WDR70: variants seen among roughly 807,000 people sequenced by gnomAD.
WDR70 encodes WD repeat domain 70.
In WDR70, 53 loss-of-function variants were observed where a neutral mutation model predicts 88.6. That is an observed-to-expected ratio of 0.60 (90% confidence interval 0.48 to 0.75). The LOEUF (loss-of-function observed/expected upper bound fraction) is 0.75, where lower values mean the gene tolerates loss of function less well. Ranked by LOEUF, WDR70 falls within the 30% of genes least tolerant of loss-of-function variation. The pLI, the probability that WDR70 is intolerant of heterozygous loss-of-function variation, is 0.00. For missense variants in WDR70, 610 were observed against 823.2 expected (o/e 0.74, Z 3.17); for synonymous variants, 280 against 270.0 (o/e 1.04, Z -0.36).
At chr5:37,539,867 AT>A (rs1013635656) in intron 9 of WDR70, among the ~76,000 whole-genome samples, 24 of 152,292 alleles carry the variant, frequency 1.6e-4, no homozygotes, top group African/African-American at 5.8e-4. Flanking sequence ...CCTTCACCAG[AT>A]TATGTTTGTC....
intron 12 of WDR70, among the ~76,000 whole-genome samples, chr5:37,701,898 A>T (rs1392819224): frequency 6.6e-6 from 1 of 152,132 alleles, no homozygotes; most frequent in African/African-American, 2.4e-5. Flanking sequence ...TCAAATCAAT[A>T]ATTCAGCATC....
chr5:37,479,748 A>T (rs1009965952), intron 7 of WDR70, 86 bp from the exon 8 acceptor site: 2 of 1,380,564 alleles, frequency 1.4e-6, no homozygotes. Flanking sequence ...TTTGTGTAAC[A>T]TTTTTTTTTC....
At chr5:37,535,824 A>G (rs967733150) in intron 9 of WDR70, among the ~76,000 whole-genome samples, 11 of 152,214 alleles carry the variant, frequency 7.2e-5, no homozygotes, top group African/African-American at 2.4e-4. Flanking sequence ...GAAACTGATT[A>G]TATTTTTCCC....
At chr5:37,630,513 A>T (rs1163079905) in intron 10 of WDR70, among the ~76,000 whole-genome samples, 1 of 152,102 alleles carries the variant, frequency 6.6e-6, no homozygotes, top group Non-Finnish European at 1.5e-5. Flanking sequence ...AGCTGCTTGC[A>T]GACTTGTAGG....
intron 9 of WDR70, among the ~76,000 whole-genome samples, chr5:37,560,058 A>G (rs1228113505): frequency 1.3e-5 from 2 of 152,138 alleles, no homozygotes; most frequent in African/African-American, 2.4e-5. Context: ...TCTTTTTGAT[A>G]GCAGAATAAA....
intron 10 of WDR70, among the ~76,000 whole-genome samples, chr5:37,630,217 G>A (rs572149622): frequency 6.6e-6 from 1 of 152,284 alleles, no homozygotes; most frequent in Admixed American, 6.5e-5. Flanking sequence ...CCACAGGGAT[G>A]TTACTCTAGC....
intron 9 of WDR70, among the ~76,000 whole-genome samples, chr5:37,522,042 G>T (rs769708251): frequency 4.7e-4 from 71 of 151,916 alleles, no homozygotes; most frequent in Admixed American, 1.8e-3. Flanking sequence ...ATTATTTTTT[G>T]ATTTTTTTAT....
chr5:37,581,808 A>T (rs1483774681), intron 9 of WDR70, among the ~76,000 whole-genome samples: 2 of 152,174 alleles, frequency 1.3e-5, no homozygotes, highest in Non-Finnish European at 1.5e-5. Context: ...TGGACAGCAG[A>T]GAGGCAAAGC....
At chr5:37,487,619 A>ATTTT (rs1739918883) in intron 8 of WDR70, among the ~76,000 whole-genome samples, 1 of 93,546 alleles carries the variant, frequency 1.1e-5, no homozygotes, top group African/African-American at 4.3e-5. Context: ...ATATATATAT[A>ATTTT]TATATGTATT....
At chr5:37,503,586 A>G (rs1179052211) in intron 8 of WDR70, among the ~76,000 whole-genome samples, 2 of 152,214 alleles carry the variant, frequency 1.3e-5, no homozygotes, top group African/African-American at 2.4e-5. Flanking sequence ...ACATCCCTGC[A>G]AAGGACATAA....
chr5:37,572,571 C>T (rs570226039), intron 9 of WDR70, among the ~76,000 whole-genome samples: 15 of 152,216 alleles, frequency 9.9e-5, no homozygotes, highest in Middle Eastern at 3.4e-3. Flanking sequence ...ACCAAGCAAC[C>T]TCCTGTCATC....
At chr5:37,702,441 C>G (rs571462085) in intron 12 of WDR70, among the ~76,000 whole-genome samples, 1 of 152,258 alleles carries the variant, frequency 6.6e-6, no homozygotes, top group South Asian at 2.1e-4. Context: ...AGCAATGCAA[C>G]CTGTGGCTCA....
intron 8 of WDR70, among the ~76,000 whole-genome samples, chr5:37,504,513 A>G (rs1740500112): frequency 6.6e-6 from 1 of 152,214 alleles, no homozygotes. Flanking sequence ...CTAATTCCTG[A>G]AAATATAGTA....
chr5:37,607,256 A>G (rs77391800), intron 10 of WDR70, among the ~76,000 whole-genome samples: 1 of 151,902 alleles, frequency 6.6e-6, no homozygotes, highest in African/African-American at 2.4e-5. Flanking sequence ...TTTTTAAAAA[A>G]TTTCTTAACT....
chr5:37,686,807 T>A (rs548409460), intron 10 of WDR70, among the ~76,000 whole-genome samples: 4 of 151,666 alleles, frequency 2.6e-5, no homozygotes, highest in Non-Finnish European at 5.9e-5. Flanking sequence ...ACTCTGGGAT[T>A]TTGTGCTTGC....
At chr5:37,405,336 A>AT (rs942032774) in intron 5 of WDR70, among the ~76,000 whole-genome samples, 2 of 150,338 alleles carry the variant, frequency 1.3e-5, no homozygotes, top group Admixed American at 6.7e-5. Context: ...GATAATATAT[A>AT]TTTTTTTTGC....
chr5:37,652,042 C>G (rs901615542), intron 10 of WDR70, among the ~76,000 whole-genome samples: 20 of 152,128 alleles, frequency 1.3e-4, no homozygotes, highest in Non-Finnish European at 2.4e-4. Context: ...AATGGTATTG[C>G]TTAAGTTTTC....
At chr5:37,658,675 TGCCATCTGTTTA>T (rs1745621933) in intron 10 of WDR70, among the ~76,000 whole-genome samples, 2 of 152,088 alleles carry the variant, frequency 1.3e-5, no homozygotes, top group African/African-American at 4.8e-5. Context: ...CCTAAATAGG[TGCCATCTGTTTA>T]GCCCCAGCTT....
chr5:37,524,482 A>C (rs1741195559), intron 9 of WDR70, among the ~76,000 whole-genome samples: 1 of 152,228 alleles, frequency 6.6e-6, no homozygotes. Flanking sequence ...TGAAGGAAGC[A>C]CTAAACATGG....
Sources: allele counts gnomAD v4.1 joint callset (sites outside exome capture counted in the v4.1 genomes callset), GRCh38; gene constraint gnomAD v4.1.1; transcripts MANE v1.5; gene names NCBI Gene and HGNC (gene_info 2026-07-23, HGNC 2026-07-21).